Variants in COL22A1 observed in about 807,000 individuals in gnomAD.
COL22A1 encodes collagen alpha-1(XXII) chain.
COL22A1 carries 221 observed loss-of-function variants against 248.9 expected under a neutral mutation model. The ratio of observed to expected loss-of-function variants is 0.89; its 90% CI spans 0.80 to 0.99. The LOEUF (loss-of-function observed/expected upper bound fraction) is 0.99. Among genes scored for constraint, COL22A1 ranks in the 50% least tolerant of loss-of-function variants. The pLI is 0.00. For missense variants in COL22A1, 2,240 were observed against 2,179.0 expected, an observed-to-expected ratio of 1.03 and a Z score of -0.56; for synonymous variants, 891 against 793.4, an observed-to-expected ratio of 1.12 and a Z score of -2.07.
intron 16 of COL22A1, among the ~76,000 whole-genome samples, chr8:138,771,178 G>A (rs1834337041): frequency 6.6e-6 from 1 of 152,170 alleles, no homozygotes; most frequent in Non-Finnish European, 1.5e-5. Flanking sequence ...GGCTGATGGG[G>A]GCGTGGCTGA....
chr8:138,883,355 T>G, intron 1 of COL22A1, 111 bp from the exon 2 acceptor site: 1 of 612,100 alleles, frequency 1.6e-6, no homozygotes, highest in Non-Finnish European at 2.8e-6. Flanking sequence ...CCAACCCATC[T>G]TCCCTCCCGG....
In COL22A1 at chr8:138,663,733, G is replaced by C. The variant is rs748267138; in HGVS notation, c.3158C>G (p.Ser1053Cys). 6.2e-7 allele frequency: 1 copy of C among 1,610,678 alleles called. No individual in the cohort carries two copies. The highest frequency in any genetic ancestry group is 1.3e-5 in the African/African-American group (1 of 74,800). Residue 1053 changes from serine to cysteine, a missense_variant, in exon 42 of 65, where the codon TCC (serine) becomes TGC (cysteine). Ser to Cys is a moderately radical substitution (Grantham distance 112). Transcript: ENST00000303045. ...GIGVAGPPGP[S>C]GPPGDKGSPG... is the part of the protein sequence containing the mutation. ...GGATCCTTTGTCTCCTGGTGGTCCG[G>C]AAGGGCCCTAGAAACAAACAAACAA...
chr8:138,644,045 G>A (rs1321224265), intron 47 of COL22A1, among the ~76,000 whole-genome samples: 1 of 152,144 alleles, frequency 6.6e-6, no homozygotes, highest in Non-Finnish European at 1.5e-5. Flanking sequence ...GTCTCCCAAA[G>A]TGCTGGGATT....
rs564680615 is a variant in COL22A1, at chr8:138,653,294, T to C, written c.3333+2603A>G. Among the ~76,000 whole-genome samples, 285 of 152,292 alleles carry C rather than the reference T, an allele frequency of 1.9e-3. 1 individual carries two copies. Among genetic ancestry groups the C allele is most frequent in the African/African-American group, 6.5e-3 (272 of 41,562 alleles). ...TAGCCTTCATCTCCGAATCTCTATGTGACAGGCAGAGAACTCACTAGCTGC... is the reference window on the plus strand; with the variant it reads ...TAGCCTTCATCTCCGAATCTCTATGCGACAGGCAGAGAACTCACTAGCTGC... On this transcript the variant is annotated intron_variant, in intron 45 of 64. Coordinates refer to ENST00000303045, the MANE Select transcript of COL22A1 (RefSeq NM_152888.3).
intron 12 of COL22A1, among the ~76,000 whole-genome samples, chr8:138,795,850 C>A (rs1046489708): frequency 6.6e-6 from 1 of 152,122 alleles, no homozygotes; most frequent in Non-Finnish European, 1.5e-5. Context: ...GAGCTGGCCA[C>A]AGGAGAGCTG....
At chr8:138,880,063 A>G (rs773383656) in intron 2 of COL22A1, among the ~76,000 whole-genome samples, 3 of 152,212 alleles carry the variant, frequency 2.0e-5, no homozygotes, top group Non-Finnish European at 4.4e-5. Flanking sequence ...TCCCAAGAAA[A>G]CAATCAGATA....
chr8:138,737,491 G>T, intron 23 of COL22A1, 33 bp downstream of exon 23: 1 of 1,502,456 alleles, frequency 6.7e-7, no homozygotes, highest in Non-Finnish European at 9.3e-7. Context: ...GAAAAGCAGC[G>T]TTGCTATGGA....
intron 7 of COL22A1, among the ~76,000 whole-genome samples, chr8:138,819,560 G>C (rs1474390216): frequency 6.8e-6 from 1 of 147,866 alleles, no homozygotes; most frequent in Admixed American, 6.8e-5. Flanking sequence ...CCATTATATA[G>C]ATATAAATTA....
intron 4 of COL22A1, among the ~76,000 whole-genome samples, chr8:138,839,590 G>T (rs1480499582): frequency 1.3e-5 from 2 of 152,164 alleles, no homozygotes; most frequent in East Asian, 1.9e-4. Context: ...TTCCAGCTGG[G>T]AACTGGAGGG....
At chr8:138,812,746 AC>A (rs1818347171) in intron 8 of COL22A1, among the ~76,000 whole-genome samples, 192 bp downstream of exon 8, 1 of 152,044 alleles carries the variant, frequency 6.6e-6, no homozygotes, top group African/African-American at 2.4e-5. Flanking sequence ...TAAGGTACAG[AC>A]CACAGTAGCC....
intron 18 of COL22A1, 49 bp from the exon 19 acceptor site, chr8:138,755,878 T>C (rs754726106): frequency 6.6e-7 from 1 of 1,514,432 alleles, no homozygotes; most frequent in Non-Finnish European, 9.2e-7. Flanking sequence ...TGCCACCTTC[T>C]GTGGCAGTCC....
At position 138,878,099 on chromosome 8, in the gene COL22A1, C is replaced by CCT. The variant is rs770345638; in HGVS notation, c.308_309insAG (p.Ala104GlyfsTer126). The stretch of plus-strand genomic sequence containing the variant: ...CGTGGTAGGCGAGACGCCGGGCAGC[C>CCT]GCCTTGACCTCCTCCTGCGAGCCAA... On this transcript the variant is annotated frameshift_variant, in exon 3 of 65. Coordinates refer to ENST00000303045, the MANE Select transcript of COL22A1 (RefSeq NM_152888.3). LOFTEE classifies it high-confidence loss of function. 1 of 1,600,846 alleles carries CCT rather than the reference C, an allele frequency of 6.2e-7. No individual in the cohort carries two copies. The highest frequency in any genetic ancestry group is 8.5e-7 in the Non-Finnish European group (1 of 1,174,750).
intron 56 of COL22A1, 126 bp downstream of exon 56, chr8:138,613,741 A>C: frequency 1.1e-6 from 1 of 924,198 alleles, no homozygotes; most frequent in Non-Finnish European, 1.8e-6. Context: ...CTATTTACCA[A>C]CTGCTAAAAC....
chr8:138,685,090 C>G (rs988551944), intron 38 of COL22A1, 118 bp downstream of exon 38: 2 of 742,228 alleles, frequency 2.7e-6, no homozygotes, highest in African/African-American at 3.5e-5. Context: ...CCAACCAGGC[C>G]CATTTCATTG....
intron 22 of COL22A1, among the ~76,000 whole-genome samples, chr8:138,740,219 G>C (rs541324884): frequency 4.8e-4 from 73 of 152,326 alleles, no homozygotes; most frequent in African/African-American, 1.7e-3. Flanking sequence ...GGAGGACCTG[G>C]TGAATAATCA....
chr8:138,898,617 A>G (rs553816818), intron 1 of COL22A1, among the ~76,000 whole-genome samples: 22 of 152,274 alleles, frequency 1.4e-4, no homozygotes, highest in African/African-American at 5.3e-4. Flanking sequence ...AAGGGAAAGC[A>G]AAGACTAACT....
chr8:138,807,633 C>G (rs1331814970), intron 10 of COL22A1, 135 bp downstream of exon 10: 1 of 760,974 alleles, frequency 1.3e-6, no homozygotes, highest in Non-Finnish European at 2.2e-6. Context: ...TTGCTCTTAT[C>G]CATCTAATTT....
intron 30 of COL22A1, among the ~76,000 whole-genome samples, chr8:138,706,740 G>T (rs1344214930): frequency 2.0e-5 from 3 of 152,136 alleles, no homozygotes; most frequent in Non-Finnish European, 2.9e-5. Context: ...AGAGAAGCAA[G>T]AGCAAACACA....
At chr8:138,622,889 T>C (rs1274318456) in intron 52 of COL22A1, among the ~76,000 whole-genome samples, 5 of 151,770 alleles carry the variant, frequency 3.3e-5, no homozygotes, top group Non-Finnish European at 5.9e-5. Context: ...AGAACCCAGG[T>C]CTCTAAACCA....
Sources: allele counts gnomAD v4.1 joint callset (sites outside exome capture counted in the v4.1 genomes callset), GRCh38; gene constraint gnomAD v4.1.1; transcripts MANE v1.5; gene names NCBI Gene and HGNC (gene_info 2026-07-23, HGNC 2026-07-21).